The following DNALI1 variants were observed in gnomAD, a reference collection of about 807,000 sequenced individuals.
DNALI1 encodes axonemal dynein light intermediate polypeptide 1.
Under a neutral mutation model 33.9 loss-of-function variants are expected in DNALI1, and 31 were observed. The observed-to-expected ratio is 0.91, with a 90% CI of 0.69 to 1.23. The LOEUF is 1.23. Ranked by LOEUF, DNALI1 falls within the 50% of genes most tolerant of loss-of-function variation. The pLI, the probability that DNALI1 is intolerant of heterozygous loss-of-function variation, is 0.00. For synonymous variants in DNALI1, 117 were observed against 129.2 expected (o/e 0.91, Z 0.64); for missense variants, 305 against 323.8 (o/e 0.94, Z 0.44).
At chr1:37,563,497 T>G (rs913798371) in intron 5 of DNALI1, among the ~76,000 whole-genome samples, 1 of 152,194 alleles carries the variant, frequency 6.6e-6, no homozygotes, top group Non-Finnish European at 1.5e-5. Flanking sequence ...TTTTTAAATT[T>G]TTTTTCTTTT....
chr1:37,557,380 G>A (rs998291660), intron 1 of DNALI1, among the ~76,000 whole-genome samples: 3 of 152,174 alleles, frequency 2.0e-5, no homozygotes, highest in African/African-American at 7.2e-5. Flanking sequence ...CACCAGAGGT[G>A]TGAAAGCACA....
chr1:37,559,417 A>C lies in DNALI1; in HGVS notation c.318A>C (p.Leu106Phe). ...RMDVVHLQEQ[L>F]DLKLQQRQAR... Reference sequence around the variant, plus strand: ...ACGTGGTGCACCTCCAGGAGCAGTTAGACTTAAAGCTGCAGCAGCGGCAGG... The same window carrying C: ...ACGTGGTGCACCTCCAGGAGCAGTTCGACTTAAAGCTGCAGCAGCGGCAGG... The change falls in exon 3 of 6, where the codon TTA (leucine) becomes TTC (phenylalanine). Residue 106 changes from leucine (L) to phenylalanine (F), a missense_variant. Leu to Phe is a conservative substitution (Grantham distance 22, BLOSUM62 0). Coordinates refer to ENST00000652629, the MANE Select transcript of DNALI1 (RefSeq NM_003462.5). This position sits in a 1 kb window ranked among gnomAD's most constrained non-coding sequence, Gnocchi z 5.3. 3 of 1,613,354 alleles carry C rather than the reference A, an allele frequency of 1.9e-6. No individual in the cohort carries two copies. Among genetic ancestry groups the C allele is most frequent in the Non-Finnish European group, 2.5e-6 (3 of 1,179,900 alleles).
rs765928884 is a variant in DNALI1, at chr1:37,557,072, C to T, written c.78C>T (p.Pro26=). Residue 26 remains proline, a synonymous_variant, in exon 1 of 6, where the codon CCC becomes CCT. Coordinates refer to ENST00000652629, the MANE Select transcript of DNALI1 (RefSeq NM_003462.5). ...GCCGGAACACGGAGAAACGGAGCCC[C>T]AAGGTAAAGACGGGGGCTCGGGAGA... is the stretch of plus-strand genomic sequence containing the variant. ...LVSRNTEKRS[P]KARLLKVSPQ... is the part of the protein sequence containing the mutation. 1 of 1,614,164 alleles carries T rather than the reference C, an allele frequency of 6.2e-7. No homozygotes were observed. The highest frequency in any genetic ancestry group is 8.5e-7 in the Non-Finnish European group (1 of 1,180,040).
rs1435266532 is a variant in DNALI1 at position 37,566,678 on chromosome 1, CTT to C, written c.*1618_*1619del. Reference sequence around the variant, plus strand: ...ACCTGAAGTGCTAGACTTTCAGACTCTTATCACTGAAATCCTTAAGGTTGAGG... The same window carrying C: ...ACCTGAAGTGCTAGACTTTCAGACTCATCACTGAAATCCTTAAGGTTGAGG... On this transcript the variant is annotated 3_prime_UTR_variant, in exon 6 of 6. Coordinates refer to ENST00000652629, the MANE Select transcript of DNALI1 (RefSeq NM_003462.5). 4 of 609,238 alleles carry C rather than the reference CTT, an allele frequency of 6.6e-6. No individual in the cohort carries two copies. The South Asian group carries it at 8.5e-5, about 13-fold the overall frequency. 37.7% of individuals were successfully genotyped at this position (609,238 alleles called of 1,614,324 possible). A position where few individuals can be genotyped will look rare whatever the true frequency, so the allele number is the denominator to read the frequency against.
rs987540766 is a variant in DNALI1 at position 37,559,608 on chromosome 1, G to C, written c.397+112G>C. ...TGGAGCTGGAGCCCATCTCATGCTG[G>C]AATCCCCTCTTCTCCCCCTGCCTGA... On this transcript the variant is annotated intron_variant, in intron 3 of 5. Transcript: ENST00000652629. The surrounding 1 kb of genome is among the most constrained non-coding windows in gnomAD (Gnocchi z 5.3). 8.2e-5 allele frequency: 103 copies of C among 1,257,776 alleles called. No individual in the cohort carries two copies. The highest frequency in any genetic ancestry group is 8.4e-5 in the Non-Finnish European group (81 of 969,162). 77.9% of individuals were successfully genotyped at this position (1,257,776 alleles called of 1,614,324 possible).
Position 37,562,773 on chromosome 1 carries a change from G to T in DNALI1, c.741+528G>T, listed in dbSNP as rs4653301. Among the ~76,000 whole-genome samples, 60,756 of 151,984 alleles carry T rather than the reference G, an allele frequency of 0.4. 13,258 individuals are homozygous for T. Among genetic ancestry groups the T allele is most frequent in the East Asian group, 0.58 (2,990 of 5,120 alleles). On this transcript the variant is annotated intron_variant, in intron 5 of 5. Coordinates refer to ENST00000652629, the MANE Select transcript of DNALI1 (RefSeq NM_003462.5). The surrounding 1 kb of genome is among the most constrained non-coding windows in gnomAD (Gnocchi z 5.8). The stretch of plus-strand genomic sequence containing the variant: ...GCACAGGTGCTCTTCCTCGAAGTCC[G>T]ATGCCAGCAGTGGTCTTTTATCCAG...
Position 37,562,223 on chromosome 1 carries a change from A to G in DNALI1, c.719A>G (p.Lys240Arg). Reference protein sequence around the residue: ...KKHNEEIQFLKRTNQQLKAQL... With the variant: ...KKHNEEIQFLRRTNQQLKAQL... ...CACAATGAGGAGATTCAGTTCCTGAAGCGAACAAATCAGCAGCTGAAGGTA... is the reference window on the plus strand; with the variant it reads ...CACAATGAGGAGATTCAGTTCCTGAGGCGAACAAATCAGCAGCTGAAGGTA... The change falls in exon 5 of 6, where the codon AAG becomes AGG. Residue 240 changes from lysine to arginine, a missense_variant. By Grantham distance (26) the Lys-to-Arg change is conservative. Coordinates refer to ENST00000652629, the MANE Select transcript of DNALI1 (RefSeq NM_003462.5). This position sits in a 1 kb window ranked among gnomAD's most constrained non-coding sequence, Gnocchi z 5.8. 6.2e-7 allele frequency: 1 copy of G among 1,613,550 alleles called. No homozygotes were observed. The highest frequency in any genetic ancestry group is 8.5e-7 in the Non-Finnish European group (1 of 1,179,770).
intron 5 of DNALI1, among the ~76,000 whole-genome samples, chr1:37,564,501 G>A (rs568666500): frequency 6.6e-6 from 1 of 152,054 alleles, no homozygotes; most frequent in South Asian, 2.1e-4. Context: ...TCCTGCCTCA[G>A]CCTCTGGAGT....
chr1:37,559,446 G>C lies in DNALI1; in HGVS notation c.347G>C (p.Arg116Thr), dbSNP rs776150647. ...TTAAAGCTGCAGCAGCGGCAGGCCAGGGAAACAGGCATCTGCCCTGTCCGC... is the reference window on the plus strand; with the variant it reads ...TTAAAGCTGCAGCAGCGGCAGGCCACGGAAACAGGCATCTGCCCTGTCCGC... ...LDLKLQQRQARETGICPVRRE... is the reference protein window; with the variant it reads ...LDLKLQQRQATETGICPVRRE... Residue 116 changes from arginine to threonine, a missense_variant, in exon 3 of 6, where the codon AGG becomes ACG. Coordinates refer to ENST00000652629, the MANE Select transcript of DNALI1 (RefSeq NM_003462.5). The surrounding 1 kb of genome is among the most constrained non-coding windows in gnomAD (Gnocchi z 5.3). The C allele has an allele frequency of 1.9e-6, 3 of 1,613,420 alleles. No homozygotes were observed. The highest frequency in any genetic ancestry group is 3.3e-5 in the Admixed American group (2 of 59,988).
rs776053232 is a variant in DNALI1, at chr1:37,561,569, G to A, written c.410G>A (p.Arg137Gln). The change falls in exon 4 of 6, where the codon CGG (arginine) becomes CAG (glutamine). Residue 137 changes from arginine (R) to glutamine (Q), a missense_variant. Physicochemically the swap from Arg to Gln is conservative, Grantham distance 43 (BLOSUM62 1). Transcript: ENST00000652629. The surrounding 1 kb of genome is among the most constrained non-coding windows in gnomAD (Gnocchi z 4.6). ...TGTGCATTGGAAGATGAGTTGATCC[G>A]GGAGGTCACCATCAACTGTGCGGAG... ...LYSQCFDELI[R>Q]EVTINCAERG... The A allele has an allele frequency of 2.2e-5, 36 of 1,613,628 alleles. No homozygotes were observed. The highest frequency in any genetic ancestry group is 3.3e-5 in the South Asian group (3 of 91,022).
chr1:37,557,484 C>G (rs1166180184), intron 1 of DNALI1, 119 bp from the exon 2 acceptor site: 45 of 1,404,246 alleles, frequency 3.2e-5, no homozygotes, highest in Non-Finnish European at 4.1e-5. Flanking sequence ...AAGACCGACC[C>G]AAAGTAGGCT....
Position 37,565,278 on chromosome 1 carries a change from G to A in DNALI1, c.*217G>A, listed in dbSNP as rs545029142. ...CCTAAGGTCTGCCAGCCAGGCTCCT[G>A]GCTGGGCAATGGAAGATGGTGTGGC... On this transcript the variant is annotated 3_prime_UTR_variant, in exon 6 of 6. Transcript: ENST00000652629. The A allele has an allele frequency of 3.4e-6, 2 of 585,880 alleles. No homozygotes were observed. The highest frequency in any genetic ancestry group is 4.1e-5 in the South Asian group (2 of 48,520). The allele number at this position is 585,880 out of a possible 1,614,324, so 36.3% of individuals were successfully genotyped here.
chr1:37,560,965 T>TG (rs1227083372), intron 3 of DNALI1: 1 of 152,442 alleles, frequency 6.6e-6, no homozygotes, highest in Non-Finnish European at 1.5e-5. Context: ...GTCAAATGGC[T>TG]GTCTCCCAGC....
chr1:37,562,337 A>C lies in DNALI1; in HGVS notation c.741+92A>C. ...TTCGGTTCCTTTTCCATGGCTTTTA[A>C]ATGTTTGTCCACATGCACTGCCAAA... is the stretch of plus-strand genomic sequence containing the variant. On this transcript the variant is annotated intron_variant, in intron 5 of 5. Transcript: ENST00000652629. The surrounding 1 kb of genome is among the most constrained non-coding windows in gnomAD (Gnocchi z 5.8). 6.7e-7 allele frequency: 1 copy of C among 1,483,022 alleles called. No homozygotes were observed. Among genetic ancestry groups the C allele is most frequent in the Non-Finnish European group, 9.0e-7 (1 of 1,106,074 alleles). 91.9% of individuals were successfully genotyped at this position (1,483,022 alleles called of 1,614,324 possible). A position where few individuals can be genotyped will look rare whatever the true frequency, so the allele number is the denominator to read the frequency against.
chr1:37,559,034 G>A lies in DNALI1; in HGVS notation c.228-293G>A, dbSNP rs781082834. ...TCACATCAAGCAACAACCATAAATC[G>A]GTCTTCAGCATGTTAGGAGGGTAAG... On this transcript the variant is annotated intron_variant, in intron 2 of 5. Coordinates refer to ENST00000652629, the MANE Select transcript of DNALI1 (RefSeq NM_003462.5). This position sits in a 1 kb window ranked among gnomAD's most constrained non-coding sequence, Gnocchi z 5.3. Among the ~76,000 whole-genome samples the A allele has an allele frequency of 1.3e-5, 2 of 152,142 alleles. No individual in the cohort carries two copies. Among genetic ancestry groups the A allele is most frequent in the East Asian group, 1.9e-4 (1 of 5,188 alleles).
In DNALI1 at chr1:37,566,608, T is replaced by G; in HGVS notation, c.*1547T>G. The G allele has an allele frequency of 2.1e-6, 1 of 477,780 alleles. No homozygotes were observed. Among genetic ancestry groups the G allele is most frequent in the South Asian group, 3.5e-5 (1 of 28,734 alleles). 29.6% of individuals were successfully genotyped at this position (477,780 alleles called of 1,614,324 possible). On this transcript the variant is annotated 3_prime_UTR_variant, in exon 6 of 6. Coordinates refer to ENST00000652629, the MANE Select transcript of DNALI1 (RefSeq NM_003462.5). ...TCATCCCCTATTTCTGTCAGACAGT[T>G]ATATGACAGGGTGACTGTGGAACCT...
chr1:37,562,093 G>A lies in DNALI1; in HGVS notation c.589G>A (p.Glu197Lys). 1 of 1,613,992 alleles carries A rather than the reference G, an allele frequency of 6.2e-7. No individual in the cohort carries two copies. The highest frequency in any genetic ancestry group is 8.5e-7 in the Non-Finnish European group (1 of 1,179,966). The change falls in exon 5 of 6, where the codon GAG becomes AAG. Residue 197 changes from glutamate to lysine, a missense_variant. Physicochemically the swap from Glu to Lys is moderately conservative, Grantham distance 56. Coordinates refer to ENST00000652629, the MANE Select transcript of DNALI1 (RefSeq NM_003462.5). This position sits in a 1 kb window ranked among gnomAD's most constrained non-coding sequence, Gnocchi z 5.8. ...SDMERKIAEL[E>K]TEKRDLERQV... ...ATTCTCTCCTCAGATCGCAGAATTGGAGACGGAAAAGAGAGACCTGGAGAG... is the reference window on the plus strand; with the variant it reads ...ATTCTCTCCTCAGATCGCAGAATTGAAGACGGAAAAGAGAGACCTGGAGAG...
intron 2 of DNALI1, among the ~76,000 whole-genome samples, chr1:37,558,625 TCCTACCACAGGGC>T: frequency 6.6e-6 from 1 of 152,290 alleles, no homozygotes; most frequent in Non-Finnish European, 1.5e-5. Flanking sequence ...TCATTCACTC[TCCTACCACAGGGC>T]CCTGACAGCT....
Position 37,561,543 on chromosome 1 carries a change from G to A in DNALI1, c.398-14G>A. 1 of 1,613,024 alleles carries A rather than the reference G, an allele frequency of 6.2e-7. No homozygotes were observed. Among genetic ancestry groups the A allele is most frequent in the Non-Finnish European group, 8.5e-7 (1 of 1,179,384 alleles). On this transcript the variant is annotated splice_polypyrimidine_tract_variant and intron_variant, in intron 3 of 5. Coordinates refer to ENST00000652629, the MANE Select transcript of DNALI1 (RefSeq NM_003462.5). The surrounding 1 kb of genome is among the most constrained non-coding windows in gnomAD (Gnocchi z 4.6). ...CACGCCCTGTCTGATCTCATGGTGTGTGTGCATTGGAAGATGAGTTGATCC... is the reference window on the plus strand; with the variant it reads ...CACGCCCTGTCTGATCTCATGGTGTATGTGCATTGGAAGATGAGTTGATCC...
Sources: gnomAD v4.1 joint callset for allele counts (sites outside exome capture counted in the v4.1 genomes callset) on GRCh38, gnomAD v4.1.1 for gene constraint, Gnocchi (gnomAD v3.1) non-coding constraint, MANE v1.5 for transcripts, NCBI Gene and HGNC (gene_info 2026-07-23, HGNC 2026-07-21) for gene names.